PIK3IP1: variants seen among roughly 807,000 people sequenced by gnomAD.
PIK3IP1 encodes phosphoinositide-3-kinase-interacting protein 1.
In PIK3IP1, 28 loss-of-function variants were observed where a neutral mutation model predicts 30.7. That is an observed-to-expected ratio of 0.91 (90% CI 0.68 to 1.25). PIK3IP1 has a LOEUF of 1.25. Among genes scored for constraint, PIK3IP1 ranks in the 50% most tolerant of loss-of-function variants. The pLI, the probability that PIK3IP1 is intolerant of heterozygous loss-of-function variation, is 0.00. For missense variants in PIK3IP1, 333 were observed against 346.2 expected (o/e 0.96, Z 0.30); for synonymous variants, 159 against 140.8 (o/e 1.13, Z -0.91).
chr22:31,285,164 G>A (rs11704523), intron 5 of PIK3IP1, among the ~76,000 whole-genome samples: 34,329 of 152,116 alleles, frequency 0.23, 5,867 homozygotes, highest in African/African-American at 0.48. Flanking sequence ...CTGAGCCGCT[G>A]CTATTTTCCC....
At chr22:31,285,361 C>T (rs941286057) in intron 5 of PIK3IP1, among the ~76,000 whole-genome samples, 32 of 152,326 alleles carry the variant, frequency 2.1e-4, no homozygotes, top group South Asian at 8.3e-4. Flanking sequence ...CTATACTGTC[C>T]AATTTCATCC....
At chr22:31,289,268 A>T in intron 5 of PIK3IP1, 47 bp downstream of exon 5, 1 of 1,592,842 alleles carries the variant, frequency 6.3e-7, no homozygotes, top group South Asian at 1.1e-5. Flanking sequence ...GACTTTGTGT[A>T]CCTTCCTCCC....
intron 5 of PIK3IP1, among the ~76,000 whole-genome samples, chr22:31,285,076 A>G (rs5749246): frequency 0.38 from 57,270 of 151,920 alleles, 13,924 homozygotes; most frequent in East Asian, 0.8. Flanking sequence ...GCTGCTGCCT[A>G]CCTCCAACTT....
intron 5 of PIK3IP1, 174 bp downstream of exon 5, chr22:31,289,141 G>A (rs1347309019): frequency 6.1e-6 from 4 of 656,272 alleles, no homozygotes; most frequent in Non-Finnish European, 1.1e-5. Flanking sequence ...GAGGTGTAAA[G>A]GCACCAAAGG....
Position 31,291,005 on chromosome 22 carries a change from G to A in PIK3IP1, c.267C>T (p.Gly89=), listed in dbSNP as rs1269627525. Residue 89 remains glycine, a synonymous_variant, in exon 3 of 6, where the codon GGC becomes GGT. Coordinates refer to ENST00000215912, the MANE Select transcript of PIK3IP1 (RefSeq NM_052880.5). The part of the protein sequence containing the change: ...GPWCYVSGEA[G]VPEKRPCEDL... ...CCTCGCAAGGCCGTTTCTCAGGGACGCCGGCCTCGCCACTGACGTAGCACC... is the reference window on the plus strand; with the variant it reads ...CCTCGCAAGGCCGTTTCTCAGGGACACCGGCCTCGCCACTGACGTAGCACC... 3.1e-6 allele frequency: 5 copies of A among 1,598,274 alleles called. No individual in the cohort carries two copies. Among genetic ancestry groups the A allele is most frequent in the East Asian group, 2.3e-5 (1 of 43,808 alleles).
rs1272414923 is a variant in PIK3IP1 at position 31,292,434 on chromosome 22, G to A, written c.-90C>T. On this transcript the variant is annotated 5_prime_UTR_variant, in exon 1 of 6. Coordinates refer to ENST00000215912, the MANE Select transcript of PIK3IP1 (RefSeq NM_052880.5). ...GGCTCTGCCTCCCAGTCCCAGCCTT[G>A]CAGTCAGACCTGCCCTTGTTATGCT... is the stretch of plus-strand genomic sequence containing the variant. 1.6e-5 allele frequency: 17 copies of A among 1,066,792 alleles called. No individual in the cohort carries two copies. The highest frequency in any genetic ancestry group is 2.5e-5 in the Non-Finnish European group (17 of 684,694). The allele number at this position is 1,066,792 out of a possible 1,614,324, so 66.1% of individuals were successfully genotyped here.
Position 31,291,174 on chromosome 22 carries a change from A to G in PIK3IP1, c.187+6T>C. 1.9e-6 allele frequency: 3 copies of G among 1,545,582 alleles called. No individual in the cohort carries two copies. The highest frequency in any genetic ancestry group is 2.6e-6 in the Non-Finnish European group (3 of 1,144,912). ...GCCCCGGGGCCGTCCCCCGGAGGAC[A>G]CTTACCCGACACGGGGGCCGAGGCC... On this transcript the variant is annotated splice_donor_region_variant and intron_variant, in intron 2 of 5. Transcript: ENST00000215912.
At position 31,289,636 on chromosome 22, in the gene PIK3IP1, C is replaced by A. The variant is rs1312764249; in HGVS notation, c.371G>T (p.Gly124Val). 2.6e-6 allele frequency: 4 copies of A among 1,555,528 alleles called. No homozygotes were observed. The Admixed American group carries it at 7.8e-5, about 30-fold the overall frequency. ...AGCGAACACCTGCACCTCATCTGCA[C>A]CTGGCCCTTCAGACGCTTCCTGGAT... ...TEIQEASEGP[G>V]ADEVQVFAPA... The change falls in exon 4 of 6, where the codon GGT (glycine) becomes GTT (valine). Residue 124 changes from glycine (G) to valine (V), a missense_variant. By Grantham distance (109) the Gly-to-Val change is moderately radical. Around this residue, in one of 3 missense-constraint regions of PIK3IP1, gnomAD observed 217 missense variants for 227.7 expected, o/e 0.95. Transcript: ENST00000215912.
Position 31,291,181 on chromosome 22 carries a change from C to T in PIK3IP1, c.186G>A (p.Ser62=). Residue 62 remains serine (S), a splice_region_variant and synonymous_variant, in exon 2 of 6, where the codon TCG becomes TCA. Transcript: ENST00000215912. The part of the protein sequence containing the change: ...AQSGLASAPV[S]GAGNHSYCRN... ...GGCCGTCCCCCGGAGGACACTTACC[C>T]GACACGGGGGCCGAGGCCAGCCCGC... 6.5e-7 allele frequency: 1 copy of T among 1,545,994 alleles called. No homozygotes were observed. Among genetic ancestry groups the T allele is most frequent in the Non-Finnish European group, 8.7e-7 (1 of 1,145,080 alleles).
chr22:31,292,511 T>A, upstream of PIK3IP1: 1 of 609,072 alleles, frequency 1.6e-6, no homozygotes, highest in Non-Finnish European at 2.9e-6. Context: ...GCTAGCTTGC[T>A]GCAGCGCGAG....
intron 3 of PIK3IP1, chr22:31,290,380 C>T (rs1183970119): frequency 6.6e-6 from 1 of 152,250 alleles, no homozygotes; most frequent in Non-Finnish European, 1.5e-5. Flanking sequence ...CAGAACGAGA[C>T]TCCGTCTCAA....
In PIK3IP1 at chr22:31,283,081, G is replaced by T. The variant is rs760540444; in HGVS notation, c.*3C>A. 1.1e-5 allele frequency: 17 copies of T among 1,586,016 alleles called. No homozygotes were observed. Among genetic ancestry groups the T allele is most frequent in the Admixed American group, 3.7e-5 (2 of 54,420 alleles). The stretch of plus-strand genomic sequence containing the variant: ...TGCATGGGCTCCTGCCCACTGGGGG[G>T]GCTCAGGCCCCAGGAGTCCCGGCCT... On this transcript the variant is annotated 3_prime_UTR_variant, in exon 6 of 6. Coordinates refer to ENST00000215912, the MANE Select transcript of PIK3IP1 (RefSeq NM_052880.5).
At chr22:31,286,162 A>G (rs1039439470) in intron 5 of PIK3IP1, among the ~76,000 whole-genome samples, 1 of 152,184 alleles carries the variant, frequency 6.6e-6, no homozygotes, top group Admixed American at 6.5e-5. Flanking sequence ...AAAATTAAGA[A>G]AAAAAGATAA....
chr22:31,291,304 GA>G lies in PIK3IP1; in HGVS notation c.71-9del. On this transcript the variant is annotated splice_polypyrimidine_tract_variant and intron_variant, in intron 1 of 5. Transcript: ENST00000215912. ...CGTTGTCCCAGAAACAGCCTGTGAG[GA>G]AAAGAAGCCCCCGGACACAGAATAG... The G allele has an allele frequency of 6.4e-7, 1 of 1,555,872 alleles. No homozygotes were observed. The highest frequency in any genetic ancestry group is 8.7e-7 in the Non-Finnish European group (1 of 1,150,202).
chr22:31,291,326 A>G, intron 1 of PIK3IP1, 30 bp from the exon 2 acceptor site: 1 of 1,548,452 alleles, frequency 6.5e-7, no homozygotes, highest in Non-Finnish European at 8.7e-7. Flanking sequence ...CCGGACACAG[A>G]ATAGCGGGCA....
rs1413673993 is a variant in PIK3IP1 at position 31,290,816 on chromosome 22, C to A, written c.307+149G>T. ...GGCGGCGGCCAATAGGCTTTGAGCC[C>A]CGCGGCCTGGAGACAGCCCTGGCCA... On this transcript the variant is annotated intron_variant, in intron 3 of 5. Coordinates refer to ENST00000215912, the MANE Select transcript of PIK3IP1 (RefSeq NM_052880.5). 4.1e-6 allele frequency: 5 copies of A among 1,218,782 alleles called. No individual in the cohort carries two copies. In the East Asian group the frequency reaches 9.1e-5, roughly 22 times the overall value. 75.5% of individuals were successfully genotyped at this position (1,218,782 alleles called of 1,614,324 possible). A position where few individuals can be genotyped will look rare whatever the true frequency, so the allele number is the denominator to read the frequency against.
chr22:31,291,476 C>G (rs545776628), intron 1 of PIK3IP1, among the ~76,000 whole-genome samples, 180 bp from the exon 2 acceptor site: 2 of 150,570 alleles, frequency 1.3e-5, no homozygotes, highest in Non-Finnish European at 3.0e-5. Context: ...CGCACCCCCC[C>G]CCCCCAACTC....
chr22:31,284,444 T>G (rs990033500), intron 5 of PIK3IP1, among the ~76,000 whole-genome samples: 6 of 152,188 alleles, frequency 3.9e-5, no homozygotes, highest in African/African-American at 1.4e-4. Context: ...TCTCATCCAT[T>G]TGGAAGCCTG....
At chr22:31,288,387 CAAAGAAAGGAAGGAAAG>C (rs1569011580) in intron 5 of PIK3IP1, among the ~76,000 whole-genome samples, 1 of 75,292 alleles carries the variant, frequency 1.3e-5, no homozygotes, top group East Asian at 4.1e-4. Flanking sequence ...AAAAAAAAAT[CAAAGAAAGGAAGGAAAG>C]AAAGGGGAAG....
Sources: gnomAD v4.1 joint callset for allele counts (sites outside exome capture counted in the v4.1 genomes callset) on GRCh38, gnomAD v4.1.1 for gene constraint, gnomAD v4.1.1 regional missense constraint, MANE v1.5 for transcripts, NCBI Gene and HGNC (gene_info 2026-07-23, HGNC 2026-07-21) for gene names.